The following PTPRN2 variants were observed in gnomAD, a reference collection of about 807,000 sequenced individuals.
PTPRN2 encodes the protein protein tyrosine phosphatase receptor type N2, also known as receptor-type tyrosine-protein phosphatase N2.
PTPRN2 carries 74 observed loss-of-function variants against 118.8 expected under a neutral mutation model. The ratio of observed to expected loss-of-function variants is 0.62; its 90% CI spans 0.52 to 0.76. The LOEUF (loss-of-function observed/expected upper bound fraction) is 0.76, where lower values mean the gene tolerates loss of function less well. Among genes scored for constraint, PTPRN2 ranks in the 30% least tolerant of loss-of-function variants. The pLI, the probability that PTPRN2 is intolerant of heterozygous loss-of-function variation, is 0.00. For missense variants in PTPRN2, 1,481 were observed against 1,394.4 expected (o/e 1.06, Z -0.99); for synonymous variants, 641 against 608.0 (o/e 1.05, Z -0.80).
intron 11 of PTPRN2, among the ~76,000 whole-genome samples, chr7:157,955,880 C>A (rs1801154918): frequency 6.6e-6 from 1 of 152,094 alleles, no homozygotes; most frequent in Non-Finnish European, 1.5e-5. Context: ...GAGAAAACCC[C>A]CAAATTGGTG....
intron 11 of PTPRN2, among the ~76,000 whole-genome samples, chr7:158,037,485 G>A (rs958556505): frequency 9.8e-5 from 15 of 152,302 alleles, no homozygotes; most frequent in East Asian, 3.9e-4. Flanking sequence ...ATGTATTTGC[G>A]TATCTAACCT....
chr7:157,692,253 C>G (rs988971847), intron 12 of PTPRN2, among the ~76,000 whole-genome samples: 1 of 151,996 alleles, frequency 6.6e-6, no homozygotes, highest in African/African-American at 2.4e-5. Flanking sequence ...GCCCGCGGCG[C>G]CCGCTCCCGG....
chr7:157,722,803 GC>G (rs1471161223), intron 12 of PTPRN2, among the ~76,000 whole-genome samples: 1 of 152,084 alleles, frequency 6.6e-6, no homozygotes, highest in Non-Finnish European at 1.5e-5. Flanking sequence ...AAGGGAGAAG[GC>G]AGGGGTGAGC....
intron 11 of PTPRN2, among the ~76,000 whole-genome samples, chr7:158,002,991 G>T (rs891964469): frequency 2.0e-5 from 3 of 152,196 alleles, no homozygotes; most frequent in African/African-American, 7.2e-5. Flanking sequence ...GGATCCAGGG[G>T]AGGAGGAAAG....
At chr7:158,273,472 G>A (rs35062874) in intron 3 of PTPRN2, among the ~76,000 whole-genome samples, 2,213 of 70,868 alleles carry the variant, frequency 0.031, 106 homozygotes, top group African/African-American at 0.1. Flanking sequence ...AGGGGGAGCC[G>A]CAGGCACAGG....
chr7:157,895,094 T>C (rs1298473667), intron 12 of PTPRN2, among the ~76,000 whole-genome samples: 1 of 151,770 alleles, frequency 6.6e-6, no homozygotes, highest in Non-Finnish European at 1.5e-5. Context: ...GCAGGAGCTG[T>C]AGAAAGCGAA....
intron 4 of PTPRN2, among the ~76,000 whole-genome samples, chr7:158,199,526 A>G (rs1429164850): frequency 6.6e-6 from 1 of 152,196 alleles, no homozygotes; most frequent in African/African-American, 2.4e-5. Context: ...TTATTTCATG[A>G]ATGGATGATT....
intron 2 of PTPRN2, among the ~76,000 whole-genome samples, chr7:158,340,725 C>G (rs1321234193): frequency 1.5e-4 from 7 of 47,526 alleles, no homozygotes; most frequent in Non-Finnish European, 2.4e-4. Context: ...CACCCACACT[C>G]ACCATAAGAG....
rs946594307 is a variant in PTPRN2 at position 158,570,984 on chromosome 7, C to T, written c.112+16574G>A. ...AAGCCATACGCAGGAGCCTTCCCAG[C>T]AGCCGCCGCCATGGCTGACGCACTG... On this transcript the variant is annotated intron_variant, in intron 1 of 22. Coordinates refer to ENST00000389418, the MANE Select transcript of PTPRN2 (RefSeq NM_002847.5). This position sits in a 1 kb window ranked among gnomAD's most constrained non-coding sequence, Gnocchi z 4.5. Among the ~76,000 whole-genome samples the T allele has an allele frequency of 1.3e-5, 2 of 152,252 alleles. No homozygotes were observed. Among genetic ancestry groups the T allele is most frequent in the South Asian group, 2.1e-4 (1 of 4,830 alleles).
At chr7:158,505,344 G>T (rs554511568) in intron 1 of PTPRN2, among the ~76,000 whole-genome samples, 1 of 152,316 alleles carries the variant, frequency 6.6e-6, no homozygotes, top group African/African-American at 2.4e-5. Flanking sequence ...CGGAGTAAAA[G>T]CTTTTCGTTC....
intron 14 of PTPRN2, among the ~76,000 whole-genome samples, chr7:157,634,966 T>A (rs976466395): frequency 2.0e-5 from 3 of 152,226 alleles, no homozygotes; most frequent in African/African-American, 7.2e-5. Context: ...CCAGATGTTC[T>A]GACCAGCCAG....
Position 157,583,074 on chromosome 7 carries a change from CAT to C in PTPRN2, c.2497-4936_2497-4935del, listed in dbSNP as rs769637248. 6.6e-6 allele frequency among the ~76,000 whole-genome samples: 1 copy of C among 152,126 alleles called. No homozygotes were observed. Among genetic ancestry groups the C allele is most frequent in the Non-Finnish European group, 1.5e-5 (1 of 68,000 alleles). On this transcript the variant is annotated intron_variant, in intron 17 of 22. Transcript: ENST00000389418. This position sits in a 1 kb window ranked among gnomAD's most constrained non-coding sequence, Gnocchi z 5.5. Reference sequence around the variant, plus strand: ...AATAAACAAGATTTGGAACAACCCACATGTCTGTCAATGGATAATGGCTAAAG... The same window carrying C: ...AATAAACAAGATTTGGAACAACCCACGTCTGTCAATGGATAATGGCTAAAG...
chr7:157,653,686 A>C (rs1805829791), intron 14 of PTPRN2, among the ~76,000 whole-genome samples: 1 of 152,144 alleles, frequency 6.6e-6, no homozygotes, highest in Non-Finnish European at 1.5e-5. Flanking sequence ...ACGGGAATGC[A>C]CTTGTAAAGT....
chr7:157,780,882 G>A lies in PTPRN2; in HGVS notation c.1789-97945C>T, dbSNP rs956385897. The stretch of plus-strand genomic sequence containing the variant: ...ACAGAATACTCACTAACCAAAGGTC[G>A]GTTTCACTTCTCTCCTCAGTGCACA... On this transcript the variant is annotated intron_variant, in intron 12 of 22. Transcript: ENST00000389418. The surrounding 1 kb of genome is among the most constrained non-coding windows in gnomAD (Gnocchi z 4.5). Among the ~76,000 whole-genome samples the A allele has an allele frequency of 9.2e-5, 14 of 152,216 alleles. No individual in the cohort carries two copies. The highest frequency in any genetic ancestry group is 3.9e-4 in the East Asian group (2 of 5,162).
Position 157,898,677 on chromosome 7 carries a change from C to A in PTPRN2, c.1784G>T (p.Gly595Val). 1.9e-6 allele frequency: 3 copies of A among 1,596,872 alleles called. No individual in the cohort carries two copies. Among genetic ancestry groups the A allele is most frequent in the Non-Finnish European group, 2.6e-6 (3 of 1,164,228 alleles). The change falls in exon 12 of 23, where the codon GGG (glycine) becomes GTG (valine). Residue 595 changes from glycine to valine, a missense_variant. By Grantham distance (109) the Gly-to-Val change is moderately radical. This residue lies in a region of PTPRN2 where 1,115 missense variants were observed against 994.2 expected (regional missense o/e 1.12). Transcript: ENST00000389418. Reference protein sequence around the residue: ...SGLKILQTGVGSKSKLKFLPP... With the variant: ...SGLKILQTGVVSKSKLKFLPP... ...GGCACCCCTTCTGTTACTCACCGAC[C>A]CGACTCCGGTTTGAAGAATTTTCAG... is the stretch of plus-strand genomic sequence containing the variant.
In PTPRN2 at chr7:157,763,304, C is replaced by T. The variant is rs1802257424; in HGVS notation, c.1789-80367G>A. Among the ~76,000 whole-genome samples the T allele has an allele frequency of 2.0e-5, 3 of 152,188 alleles. No individual in the cohort carries two copies. Among genetic ancestry groups the T allele is most frequent in the Admixed American group, 2.0e-4 (3 of 15,288 alleles). ...ATGTGCCCTCCTCATTTTTCTCTCCCTTCCCTTTTCCAACAAAAGCTCAGC... is the reference window on the plus strand; with the variant it reads ...ATGTGCCCTCCTCATTTTTCTCTCCTTTCCCTTTTCCAACAAAAGCTCAGC... On this transcript the variant is annotated intron_variant, in intron 12 of 22. Coordinates refer to ENST00000389418, the MANE Select transcript of PTPRN2 (RefSeq NM_002847.5). The surrounding 1 kb of genome is among the most constrained non-coding windows in gnomAD (Gnocchi z 4.9).
rs115463232 is a variant in PTPRN2, at chr7:157,628,467, A to C, written c.2197-6958T>G. On this transcript the variant is annotated intron_variant, in intron 14 of 22. Coordinates refer to ENST00000389418, the MANE Select transcript of PTPRN2 (RefSeq NM_002847.5). The stretch of plus-strand genomic sequence containing the variant: ...AGGAGCTTCTGTGGAACAGGAACGC[A>C]CATGAACACACTGGGAAGGCACTGG... Among the ~76,000 whole-genome samples the C allele has an allele frequency of 1.6e-3, 238 of 152,340 alleles. 1 individual carries two copies. The highest frequency in any genetic ancestry group is 5.6e-3 in the African/African-American group (233 of 41,590).
chr7:158,370,417 C>G (rs1035540629), intron 2 of PTPRN2, among the ~76,000 whole-genome samples: 3 of 151,728 alleles, frequency 2.0e-5, no homozygotes, highest in African/African-American at 7.3e-5. Context: ...GCCTGGGTGA[C>G]AGAGCGAGAC....
chr7:157,582,236 T>C (rs1462404292), intron 17 of PTPRN2, among the ~76,000 whole-genome samples: 7 of 152,218 alleles, frequency 4.6e-5, no homozygotes, highest in Admixed American at 2.0e-4. Flanking sequence ...TCAACACCGA[T>C]GGAGAGGAAC....
Sources: gnomAD v4.1 joint callset for allele counts (sites outside exome capture counted in the v4.1 genomes callset) on GRCh38, gnomAD v4.1.1 for gene constraint, gnomAD v4.1.1 regional missense constraint, Gnocchi (gnomAD v3.1) non-coding constraint, MANE v1.5 for transcripts, NCBI Gene and HGNC (gene_info 2026-07-23, HGNC 2026-07-21) for gene names.